Variants in GLP1R observed in about 807,000 individuals in gnomAD.
GLP1R encodes glucagon like peptide 1 receptor, also known as glucagon-like peptide 1 receptor.
A neutral mutation model predicts 68.4 loss-of-function variants in GLP1R; 32 were observed. The observed-to-expected ratio is 0.47, with a 90% CI of 0.35 to 0.63. The LOEUF (loss-of-function observed/expected upper bound fraction) is 0.63. Among genes scored for constraint, GLP1R ranks in the 20% least tolerant of loss-of-function variants. The pLI, the probability that GLP1R is intolerant of heterozygous loss-of-function variation, is 0.00. For synonymous variants in GLP1R, 263 were observed against 244.4 expected (o/e 1.08, Z -0.71); for missense variants, 502 against 594.9 (o/e 0.84, Z 1.62).
intron 12 of GLP1R, among the ~76,000 whole-genome samples, chr6:39,083,474 T>C (rs1769062557): frequency 6.6e-6 from 1 of 152,220 alleles, no homozygotes; most frequent in Non-Finnish European, 1.5e-5. Flanking sequence ...TGCCAAGGCC[T>C]GCACCAGCTG....
chr6:39,053,508 C>A (rs1768136384), intron 1 of GLP1R, among the ~76,000 whole-genome samples: 1 of 152,174 alleles, frequency 6.6e-6, no homozygotes, highest in Admixed American at 6.5e-5. Flanking sequence ...CCCCAGGAAG[C>A]CTGGTCACTC....
At chr6:39,075,086 G>A (rs927706072) in intron 7 of GLP1R, among the ~76,000 whole-genome samples, 16 of 152,302 alleles carry the variant, frequency 1.1e-4, no homozygotes, top group South Asian at 2.1e-4. Context: ...CTGGGCCTGC[G>A]GCCATCATGC....
rs1769215633 is a variant in GLP1R at position 39,089,010 on chromosome 6, T to C, written c.*2937T>C. Among the ~76,000 whole-genome samples, 1 of 152,202 alleles carries C rather than the reference T, an allele frequency of 6.6e-6. No homozygotes were observed. The highest frequency in any genetic ancestry group is 6.5e-5 in the Admixed American group (1 of 15,284). On this transcript the variant is annotated 3_prime_UTR_variant, in exon 13 of 13. Coordinates refer to ENST00000373256, the MANE Select transcript of GLP1R (RefSeq NM_002062.5). This position sits in a 1 kb window ranked among gnomAD's most constrained non-coding sequence, Gnocchi z 4.1. ...CTATAAATAGCTGTTCAAGATACTC[T>C]GAGTAAAAGTCAGTGGTGTTATCTG... is the stretch of plus-strand genomic sequence containing the variant.
intron 12 of GLP1R, among the ~76,000 whole-genome samples, chr6:39,085,644 C>A (rs1415051967): frequency 6.6e-6 from 1 of 152,204 alleles, no homozygotes; most frequent in Non-Finnish European, 1.5e-5. Context: ...GTAAAAGGTA[C>A]TTAGCTGAAT....
chr6:39,086,004 C>G lies in GLP1R; in HGVS notation c.1323C>G (p.Ser441Arg), dbSNP rs1455995986. The part of the protein sequence containing the change: ...SSMKPLKCPT[S>R]SLSSGATAGS... ...TGAAGCCCCTCAAGTGTCCCACCAG[C>G]AGCCTGAGCAGTGGAGCCACGGCGG... The change falls in exon 13 of 13, where the codon AGC (serine) becomes AGG (arginine). Residue 441 changes from serine to arginine, a missense_variant. Physicochemically the swap from Ser to Arg is moderately radical, Grantham distance 110. Transcript: ENST00000373256. This position sits in a 1 kb window ranked among gnomAD's most constrained non-coding sequence, Gnocchi z 4.5. 6.2e-7 allele frequency: 1 copy of G among 1,613,966 alleles called. No homozygotes were observed. The highest frequency in any genetic ancestry group is 8.5e-7 in the Non-Finnish European group (1 of 1,179,968).
At chr6:39,073,059 G>A in intron 6 of GLP1R, 44 bp downstream of exon 6, 1 of 1,572,378 alleles carries the variant, frequency 6.4e-7, no homozygotes, top group Non-Finnish European at 8.7e-7. Flanking sequence ...ATGGGCGGTT[G>A]GAGGAGGCCT....
chr6:39,068,397 A>T (rs966455432), intron 5 of GLP1R, among the ~76,000 whole-genome samples: 1 of 150,610 alleles, frequency 6.6e-6, no homozygotes, highest in South Asian at 2.2e-4. Flanking sequence ...TTGGAGGAGA[A>T]TCTTGCCCCC....
intron 7 of GLP1R, among the ~76,000 whole-genome samples, chr6:39,074,107 C>T (rs1490429429): frequency 6.6e-6 from 1 of 152,140 alleles, no homozygotes; most frequent in South Asian, 2.1e-4. Context: ...TCCCGGGCAG[C>T]CCGAGGGCCT....
chr6:39,077,337 A>T (rs954648343), intron 7 of GLP1R, among the ~76,000 whole-genome samples: 1 of 152,180 alleles, frequency 6.6e-6, no homozygotes, highest in Non-Finnish European at 1.5e-5. Flanking sequence ...TGTCATCTCA[A>T]GGCTTAACTG....
At chr6:39,061,128 T>C (rs145630885) in intron 3 of GLP1R, among the ~76,000 whole-genome samples, 95 of 152,326 alleles carry the variant, frequency 6.2e-4, no homozygotes, top group African/African-American at 2.1e-3. Context: ...CTACGCAGTG[T>C]CCTGGAGAAG....
Position 39,079,150 on chromosome 6 carries a change from G to A in GLP1R, c.993G>A (p.Val331=). 1 of 1,614,080 alleles carries A rather than the reference G, an allele frequency of 6.2e-7. No individual in the cohort carries two copies. The highest frequency in any genetic ancestry group is 8.5e-7 in the Non-Finnish European group (1 of 1,179,964). The change falls in exon 10 of 13, where the codon GTG becomes GTA. Residue 331 remains valine (V), a synonymous_variant. Coordinates refer to ENST00000373256, the MANE Select transcript of GLP1R (RefSeq NM_002062.5). The surrounding 1 kb of genome is among the most constrained non-coding windows in gnomAD (Gnocchi z 4.5). The part of the protein sequence containing the change: ...FLIFVRVICI[V]VSKLKANLMC... ...TCTTTGTTCGGGTCATCTGCATCGTGGTATCCAAACTGAAGGCCAATCTCA... is the reference window on the plus strand; with the variant it reads ...TCTTTGTTCGGGTCATCTGCATCGTAGTATCCAAACTGAAGGCCAATCTCA...
Position 39,066,250 on chromosome 6 carries a change from C to T in GLP1R, c.456C>T (p.Tyr152=), listed in dbSNP as rs200564025. The T allele has an allele frequency of 1.5e-5, 25 of 1,613,336 alleles. No individual in the cohort carries two copies. The highest frequency in any genetic ancestry group is 1.0e-4 in the Admixed American group (6 of 60,024). Reference sequence around the variant, plus strand: ...TCTACATCATCTACACGGTGGGCTACGCACTCTCCTTCTCTGCTCTGGTTA... The same window carrying T: ...TCTACATCATCTACACGGTGGGCTATGCACTCTCCTTCTCTGCTCTGGTTA... ...LFLYIIYTVG[Y]ALSFSALVIA... is the part of the protein sequence containing the mutation. The change falls in exon 5 of 13, where the codon TAC becomes TAT. Residue 152 remains tyrosine (Y), a synonymous_variant. Coordinates refer to ENST00000373256, the MANE Select transcript of GLP1R (RefSeq NM_002062.5).
chr6:39,080,442 T>C (rs9296289), intron 11 of GLP1R, among the ~76,000 whole-genome samples: 77,830 of 151,982 alleles, frequency 0.51, 20,302 homozygotes, highest in Admixed American at 0.55. Flanking sequence ...CTGGACCCCA[T>C]GGCACATGCC....
chr6:39,066,957 AC>A (rs1360829851), intron 5 of GLP1R, among the ~76,000 whole-genome samples: 1 of 152,192 alleles, frequency 6.6e-6, no homozygotes, highest in African/African-American at 2.4e-5. Context: ...TCCTGGGCAC[AC>A]GGTGCTCAAT....
At chr6:39,077,234 G>A (rs1303447881) in intron 7 of GLP1R, among the ~76,000 whole-genome samples, 3 of 152,042 alleles carry the variant, frequency 2.0e-5, no homozygotes, top group Non-Finnish European at 4.4e-5. Flanking sequence ...TTCCTTCTTG[G>A]GCATCCCCCA....
intron 7 of GLP1R, among the ~76,000 whole-genome samples, chr6:39,078,038 G>A (rs1768878788): frequency 2.0e-5 from 3 of 152,148 alleles, no homozygotes; most frequent in Admixed American, 1.3e-4. Context: ...TAACTTAGCC[G>A]GGACTCTGAG....
rs1031825816 is a variant in GLP1R at position 39,088,521 on chromosome 6, C to T, written c.*2448C>T. Among the ~76,000 whole-genome samples the T allele has an allele frequency of 5.9e-5, 9 of 152,148 alleles. No homozygotes were observed. Among genetic ancestry groups the T allele is most frequent in the Admixed American group, 2.6e-4 (4 of 15,278 alleles). ...CTATTGCTGACCAGCAGGGTGTAGG[C>T]GCTGCTTTTGTTTGAGCTTTGTAGC... On this transcript the variant is annotated 3_prime_UTR_variant, in exon 13 of 13. Coordinates refer to ENST00000373256, the MANE Select transcript of GLP1R (RefSeq NM_002062.5).
chr6:39,084,594 T>A (rs915545552), intron 12 of GLP1R, among the ~76,000 whole-genome samples: 7 of 152,094 alleles, frequency 4.6e-5, no homozygotes, highest in African/African-American at 7.2e-5. Context: ...CAGCATGCGC[T>A]CCCTTCACAA....
intron 11 of GLP1R, among the ~76,000 whole-genome samples, chr6:39,080,096 G>A (rs746834486): frequency 2.0e-5 from 3 of 152,108 alleles, no homozygotes; most frequent in Non-Finnish European, 4.4e-5. Context: ...CCAGAGTTAC[G>A]GTGTCACAGT....
Sources: gnomAD v4.1 joint callset for allele counts (sites outside exome capture counted in the v4.1 genomes callset) on GRCh38, gnomAD v4.1.1 for gene constraint, Gnocchi (gnomAD v3.1) non-coding constraint, MANE v1.5 for transcripts, NCBI Gene and HGNC (gene_info 2026-07-23, HGNC 2026-07-21) for gene names.